Variants in CDH18 observed in about 807,000 individuals in gnomAD.
CDH18 encodes the protein cadherin-18.
CDH18 carries 31 observed loss-of-function variants against 67.9 expected under a neutral mutation model. The ratio of observed to expected loss-of-function variants is 0.46; its 90% CI spans 0.34 to 0.62. The LOEUF is 0.62. Ranked by LOEUF, CDH18 falls within the 20% of genes least tolerant of loss-of-function variation. CDH18 has a pLI of 0.01. For missense variants in CDH18, 890 were observed against 975.5 expected (o/e 0.91, Z 1.17); for synonymous variants, 362 against 347.2 (o/e 1.04, Z -0.48).
At position 19,965,731 on chromosome 5, in the gene CDH18, A is replaced by T. The variant is rs553493062; in HGVS notation, c.-257+15329T>A. On this transcript the variant is annotated intron_variant, in intron 2 of 12. Coordinates refer to ENST00000382275, the MANE Select transcript of CDH18 (RefSeq NM_004934.5). Reference sequence around the variant, plus strand: ...AGGTTACATTTAAGGAGGAAGGAGGAAGAGAGAGGCAGGTAGAAAGAGAGA... The same window carrying T: ...AGGTTACATTTAAGGAGGAAGGAGGTAGAGAGAGGCAGGTAGAAAGAGAGA... Among the ~76,000 whole-genome samples the T allele has an allele frequency of 2.0e-5, 3 of 152,164 alleles. No individual in the cohort carries two copies. The South Asian group carries it at 6.2e-4, about 32-fold the overall frequency.
intron 1 of CDH18, among the ~76,000 whole-genome samples, chr5:20,357,960 T>C (rs909567206): frequency 5.9e-5 from 9 of 152,146 alleles, no homozygotes; most frequent in Non-Finnish European, 8.8e-5. Flanking sequence ...CATGGAGTAC[T>C]ATGCAGCCAT....
At chr5:20,164,252 T>C (rs942593873) in intron 2 of CDH18, among the ~76,000 whole-genome samples, 72 of 152,282 alleles carry the variant, frequency 4.7e-4, no homozygotes, top group Non-Finnish European at 2.8e-4. Flanking sequence ...TTCTTAAATA[T>C]CTTTCTAAAT....
At chr5:20,100,944 T>A (rs1400515882) in intron 2 of CDH18, among the ~76,000 whole-genome samples, 1 of 152,152 alleles carries the variant, frequency 6.6e-6, no homozygotes, top group African/African-American at 2.4e-5. Flanking sequence ...ACTATTCATA[T>A]AAATCTGAGG....
At chr5:19,883,227 C>T (rs908487441) in intron 2 of CDH18, among the ~76,000 whole-genome samples, 2 of 152,036 alleles carry the variant, frequency 1.3e-5, no homozygotes, top group Admixed American at 6.6e-5. Flanking sequence ...TGGAATCTAA[C>T]GTTAGGAAGC....
At chr5:19,777,507 A>T (rs771535803) in intron 3 of CDH18, among the ~76,000 whole-genome samples, 14 of 152,180 alleles carry the variant, frequency 9.2e-5, no homozygotes, top group Non-Finnish European at 1.8e-4. Context: ...AACAGAAGAA[A>T]GATTCACACA....
At chr5:20,121,199 G>C (rs1748326297) in intron 2 of CDH18, among the ~76,000 whole-genome samples, 1 of 152,092 alleles carries the variant, frequency 6.6e-6, no homozygotes, top group Admixed American at 6.6e-5. Context: ...ATTCTCCCAG[G>C]TGTTTCTATA....
chr5:20,227,613 CT>C (rs1182955285), intron 2 of CDH18, among the ~76,000 whole-genome samples: 2 of 151,916 alleles, frequency 1.3e-5, no homozygotes. Context: ...TCAATCCTTC[CT>C]TCACTATCCT....
chr5:20,259,327 A>G (rs1285647735), intron 1 of CDH18, among the ~76,000 whole-genome samples: 2 of 152,166 alleles, frequency 1.3e-5, no homozygotes, highest in African/African-American at 4.8e-5. Flanking sequence ...TGCACCAATC[A>G]GAGCTTTTAA....
At chr5:20,211,191 C>T (rs147887949) in intron 2 of CDH18, among the ~76,000 whole-genome samples, 1,690 of 152,192 alleles carry the variant, frequency 0.011, 32 homozygotes, top group African/African-American at 0.038. Context: ...GCTTCTACCA[C>T]TGTGTAATGG....
At chr5:19,484,392 GTCACATTGC>G (rs995545292) in intron 11 of CDH18, among the ~76,000 whole-genome samples, 3 of 152,146 alleles carry the variant, frequency 2.0e-5, no homozygotes, top group Non-Finnish European at 2.9e-5. Flanking sequence ...ACACCACAAT[GTCACATTGC>G]CTCATCTACA....
In CDH18 at chr5:20,363,243, G is replaced by C. The variant is rs6890459; in HGVS notation, c.-579-107738C>G. Among the ~76,000 whole-genome samples, 1,091 of 151,748 alleles carry C rather than the reference G, an allele frequency of 7.2e-3. 9 individuals are homozygous for C. Among genetic ancestry groups the C allele is most frequent in the African/African-American group, 0.025 (1,027 of 41,390 alleles). On this transcript the variant is annotated intron_variant, in intron 1 of 14. Transcript: ENST00000507958. ...CTCACGCCTGTAATCCCAGCACTTT[G>C]GGAGGCCAAGGAGGGTGAATCCCCT...
intron 2 of CDH18, among the ~76,000 whole-genome samples, chr5:20,142,225 A>T (rs182574255): frequency 6.6e-5 from 10 of 152,242 alleles, no homozygotes; most frequent in Non-Finnish European, 1.5e-4. Flanking sequence ...ATAAAAATAT[A>T]TCTTATTTCA....
intron 2 of CDH18, among the ~76,000 whole-genome samples, chr5:20,231,966 A>G (rs1742113369): frequency 6.6e-6 from 1 of 152,166 alleles, no homozygotes. Context: ...GAATGTAAAG[A>G]GTAAAATTAA....
intron 8 of CDH18, among the ~76,000 whole-genome samples, chr5:19,566,573 C>T (rs1270456903): frequency 6.6e-6 from 1 of 152,088 alleles, no homozygotes. Context: ...AAGGTGAAAC[C>T]CCTTATAAAA....
chr5:19,616,311 C>T (rs1296100394), intron 5 of CDH18, among the ~76,000 whole-genome samples: 2 of 150,170 alleles, frequency 1.3e-5, no homozygotes, highest in East Asian at 1.9e-4. Context: ...TACATTGATT[C>T]CCCCCCACCC....
chr5:19,760,160 C>T (rs973690913), intron 3 of CDH18, among the ~76,000 whole-genome samples: 1 of 152,132 alleles, frequency 6.6e-6, no homozygotes, highest in Admixed American at 6.6e-5. Flanking sequence ...GCTCCTGCCA[C>T]CTTGGGATCA....
chr5:20,418,242 ATTTTTT>A (rs58308147), intron 1 of CDH18, among the ~76,000 whole-genome samples: 41 of 56,924 alleles, frequency 7.2e-4, no homozygotes, highest in African/African-American at 1.7e-3. Context: ...CTGCTGGCTA[ATTTTTT>A]TTTTTTTTTT....
At chr5:20,501,593 ATTATATAT>A (rs1255700016) in intron 1 of CDH18, among the ~76,000 whole-genome samples, 10 of 11,066 alleles carry the variant, frequency 9.0e-4, no homozygotes, top group Admixed American at 1.9e-3. Flanking sequence ...ATATATATAT[ATTATATAT>A]ATATATATAT....
chr5:19,487,265 C>A (rs1250645485), intron 11 of CDH18, among the ~76,000 whole-genome samples: 1 of 152,066 alleles, frequency 6.6e-6, no homozygotes, highest in African/African-American at 2.4e-5. Flanking sequence ...CAAATATAGA[C>A]ATATAGCCAT....
Sources: allele counts gnomAD v4.1 joint callset (sites outside exome capture counted in the v4.1 genomes callset), GRCh38; gene constraint gnomAD v4.1.1; transcripts MANE v1.5; gene names NCBI Gene and HGNC (gene_info 2026-07-23, HGNC 2026-07-21).